The following SNX29 variants were observed in gnomAD, a reference collection of about 807,000 sequenced individuals.
SNX29 encodes the protein sorting nexin 29.
A neutral mutation model predicts 102.1 loss-of-function variants in SNX29; 78 were observed. The ratio of observed to expected loss-of-function variants is 0.76; its 90% CI spans 0.64 to 0.92. SNX29 has a LOEUF of 0.92. Among genes scored for constraint, SNX29 ranks in the 40% least tolerant of loss-of-function variants. The probability of loss-of-function intolerance (pLI) is 0.00; values close to 1 mark genes in which losing one functional copy is unlikely to be tolerated. For synonymous variants in SNX29, 580 were observed against 414.5 expected (o/e 1.40, Z -4.85); for missense variants, 1,280 against 1,061.7 (o/e 1.21, Z -2.86).
chr16:12,541,663 C>G (rs1413142075), intron 20 of SNX29, among the ~76,000 whole-genome samples: 1 of 152,162 alleles, frequency 6.6e-6, no homozygotes, highest in Non-Finnish European at 1.5e-5. Flanking sequence ...CCTAATGCAG[C>G]CGTGCTGACA....
chr16:12,120,974 G>A (rs556087631), intron 11 of SNX29, among the ~76,000 whole-genome samples: 5 of 152,344 alleles, frequency 3.3e-5, no homozygotes, highest in African/African-American at 1.2e-4. Flanking sequence ...TATGATTAAC[G>A]TGGTTGACGT....
intron 19 of SNX29, among the ~76,000 whole-genome samples, chr16:12,480,961 T>G (rs2087878081): frequency 6.6e-6 from 1 of 152,092 alleles, no homozygotes; most frequent in Non-Finnish European, 1.5e-5. Context: ...CTACAACCTG[T>G]GCTTCTGGAG....
chr16:12,559,348 A>C (rs904179735), intron 20 of SNX29, among the ~76,000 whole-genome samples: 16 of 151,786 alleles, frequency 1.1e-4, no homozygotes, highest in Admixed American at 9.9e-4. Context: ...GCTGCATGCT[A>C]CTTACGAGAA....
chr16:12,010,898 G>A (rs374968291), intron 3 of SNX29, among the ~76,000 whole-genome samples: 108 of 152,204 alleles, frequency 7.1e-4, no homozygotes, highest in African/African-American at 2.2e-3. Context: ...GAGGACTTAC[G>A]AAACGGAATG....
At chr16:12,272,865 C>G (rs933213278) in intron 14 of SNX29, among the ~76,000 whole-genome samples, 4 of 152,054 alleles carry the variant, frequency 2.6e-5, no homozygotes, top group African/African-American at 9.7e-5. Flanking sequence ...TTTGGAATTA[C>G]TTATTTCTCA....
rs926604826 is a variant in SNX29 at position 12,241,261 on chromosome 16, C to A, written c.1679-36672C>A. ...ATTGGCCTGGTAGTCTCTTAGAATT[C>A]ATTGTTGTGAACAAAAAAAGAAAAC... On this transcript the variant is annotated intron_variant, in intron 14 of 20. Coordinates refer to ENST00000566228, the MANE Select transcript of SNX29 (RefSeq NM_032167.5). 2.6e-5 allele frequency among the ~76,000 whole-genome samples: 4 copies of A among 152,104 alleles called. No individual in the cohort carries two copies. In the South Asian group the frequency reaches 6.2e-4, roughly 24 times the overall value.
chr16:12,134,458 C>T (rs1321165930), intron 13 of SNX29, among the ~76,000 whole-genome samples: 3 of 152,212 alleles, frequency 2.0e-5, no homozygotes, highest in African/African-American at 7.2e-5. Flanking sequence ...GGAGGGTCCA[C>T]TTGCAAGCTT....
intron 8 of SNX29, chr16:12,052,589 G>T: frequency 4.0e-6 from 1 of 249,046 alleles, no homozygotes; most frequent in South Asian, 5.3e-5. Flanking sequence ...AAATAGGTCT[G>T]CAAGCTTTAT....
chr16:12,228,018 G>GT (rs1220902028), intron 14 of SNX29, among the ~76,000 whole-genome samples: 1 of 150,370 alleles, frequency 6.7e-6, no homozygotes, highest in Non-Finnish European at 1.5e-5. Context: ...GCCCACGCCT[G>GT]TAATCTCAGC....
Position 12,570,724 on chromosome 16 carries a change from T to G in SNX29, c.*2095T>G, listed in dbSNP as rs894697239. 1 of 231,962 alleles carries G rather than the reference T, an allele frequency of 4.3e-6. No individual in the cohort carries two copies. The highest frequency in any genetic ancestry group is 5.7e-5 in the Admixed American group (1 of 17,678). The allele number at this position is 231,962 out of a possible 1,614,324, so 14.4% of individuals were successfully genotyped here. A position where few individuals can be genotyped will look rare whatever the true frequency, so the allele number is the denominator to read the frequency against. On this transcript the variant is annotated 3_prime_UTR_variant, in exon 21 of 21. Coordinates refer to ENST00000566228, the MANE Select transcript of SNX29 (RefSeq NM_032167.5). ...CCAAAGCACAGGATGTGAATTGGTC[T>G]CTCTCCAGATACCCCACGAGGAAGC...
At chr16:12,380,749 A>ATCCACCCACCCACCAT (rs1567503127) in intron 16 of SNX29, among the ~76,000 whole-genome samples, 1 of 70,584 alleles carries the variant, frequency 1.4e-5, no homozygotes, top group Non-Finnish European at 3.2e-5. Flanking sequence ...CCATCCACCC[A>ATCCACCCACCCACCAT]CCATCCATCC....
At chr16:12,197,991 C>G (rs995813424) in intron 13 of SNX29, among the ~76,000 whole-genome samples, 1 of 152,154 alleles carries the variant, frequency 6.6e-6, no homozygotes, top group Admixed American at 6.5e-5. Flanking sequence ...AGTTTTTCAA[C>G]TAAGTCAGTG....
At chr16:12,323,403 TAAAGA>T (rs1247682176) in intron 15 of SNX29, among the ~76,000 whole-genome samples, 1 of 152,106 alleles carries the variant, frequency 6.6e-6, no homozygotes, top group Non-Finnish European at 1.5e-5. Context: ...AACTCATTTG[TAAAGA>T]AAACGAGCAT....
Position 12,568,849 on chromosome 16 carries a change from G to C in SNX29, c.*220G>C. 3 of 671,170 alleles carry C rather than the reference G, an allele frequency of 4.5e-6. No individual in the cohort carries two copies. Among genetic ancestry groups the C allele is most frequent in the Non-Finnish European group, 7.3e-6 (3 of 413,254 alleles). The allele number at this position is 671,170 out of a possible 1,614,324, so 41.6% of individuals were successfully genotyped here. The stretch of plus-strand genomic sequence containing the variant: ...GACCAAGGCAGCACCTCGCTGGAGA[G>C]ACTGGGACACACAGTCCTTCTGCTT... On this transcript the variant is annotated 3_prime_UTR_variant, in exon 21 of 21. Transcript: ENST00000566228.
intron 14 of SNX29, among the ~76,000 whole-genome samples, chr16:12,252,855 C>T (rs1476817416): frequency 6.6e-6 from 1 of 152,258 alleles, no homozygotes; most frequent in East Asian, 1.9e-4. Context: ...GAGGGAGCAG[C>T]TGGCTCTTCC....
At chr16:12,343,774 C>G (rs1196525779) in intron 15 of SNX29, among the ~76,000 whole-genome samples, 2 of 151,982 alleles carry the variant, frequency 1.3e-5, no homozygotes, top group African/African-American at 4.8e-5. Flanking sequence ...CAGATCAGTG[C>G]CTGGCACACC....
chr16:12,539,274 C>G (rs536372629), intron 20 of SNX29, among the ~76,000 whole-genome samples: 15 of 152,280 alleles, frequency 9.9e-5, no homozygotes, highest in African/African-American at 2.2e-4. Context: ...TCCTTTCTAG[C>G]TGCACCCTCC....
In SNX29 at chr16:12,554,838, C is replaced by T. The variant is rs140969978; in HGVS notation, c.2319-13668C>T. Among the ~76,000 whole-genome samples, 479 of 152,246 alleles carry T rather than the reference C, an allele frequency of 3.1e-3. 6 individuals carry two copies. Among genetic ancestry groups the T allele is most frequent in the African/African-American group, 0.011 (439 of 41,552 alleles). On this transcript the variant is annotated intron_variant, in intron 20 of 20. Transcript: ENST00000566228. ...AGCACCTGCTCTGTGCCATTCTTTC[C>T]GTAGGTGCCAGGGTGCTCAGGAAAG...
intron 13 of SNX29, among the ~76,000 whole-genome samples, chr16:12,147,933 G>A (rs541038014): frequency 4.6e-5 from 7 of 152,208 alleles, no homozygotes; most frequent in African/African-American, 1.7e-4. Context: ...TGGGCAGAGG[G>A]GAGATATTCT....
Sources: allele counts gnomAD v4.1 joint callset (sites outside exome capture counted in the v4.1 genomes callset), GRCh38; gene constraint gnomAD v4.1.1; transcripts MANE v1.5; gene names NCBI Gene and HGNC (gene_info 2026-07-23, HGNC 2026-07-21).